Variants in ZNF503 observed in about 807,000 individuals in gnomAD.
ZNF503 encodes zinc finger protein 503, also known as NocA-like zinc finger 2.
ZNF503 carries 15 observed loss-of-function variants against 34.4 expected under a neutral mutation model. That is an observed-to-expected ratio of 0.44 (90% CI 0.29 to 0.67). The LOEUF is 0.67. Ranked by LOEUF, ZNF503 falls within the 30% of genes least tolerant of loss-of-function variation. ZNF503 has a pLI of 0.13. For synonymous variants in ZNF503, 580 were observed against 456.8 expected, an observed-to-expected ratio of 1.27 and a Z score of -3.44; for missense variants, 1,007 against 926.8, an observed-to-expected ratio of 1.09 and a Z score of -1.12.
At chr10:75,381,189 T>G in the ZNF503 span, among the ~76,000 whole-genome samples, 1 of 152,208 alleles carries the variant, frequency 6.6e-6, no homozygotes, top group African/African-American at 2.4e-5. Flanking sequence ...TGTGGCAACT[T>G]CTGGGATGTG....
At chr10:75,364,939 T>G in the ZNF503 span, among the ~76,000 whole-genome samples, 1 of 152,134 alleles carries the variant, frequency 6.6e-6, no homozygotes, top group Non-Finnish European at 1.5e-5. Context: ...TAATGGATGA[T>G]AGCACCATAA....
At chr10:75,327,959 T>G in the ZNF503 span, among the ~76,000 whole-genome samples, 1 of 152,118 alleles carries the variant, frequency 6.6e-6, no homozygotes, top group African/African-American at 2.4e-5. Flanking sequence ...TAATTATTAT[T>G]ATTTTGCTGT....
At chr10:75,311,878 C>T in the ZNF503 span, among the ~76,000 whole-genome samples, 33 of 151,930 alleles carry the variant, frequency 2.2e-4, no homozygotes, top group African/African-American at 7.7e-4. Flanking sequence ...GCTGGGACTA[C>T]AGGCGTGCAC....
At chr10:75,385,703 C>T in the ZNF503 span, among the ~76,000 whole-genome samples, 2 of 152,216 alleles carry the variant, frequency 1.3e-5, no homozygotes, top group Non-Finnish European at 2.9e-5. Flanking sequence ...ACTCCAACCA[C>T]AGTCGAGGAA....
the ZNF503 span, among the ~76,000 whole-genome samples, chr10:75,339,397 G>C: frequency 6.6e-6 from 1 of 152,278 alleles, no homozygotes; most frequent in Admixed American, 6.5e-5. Context: ...CAAAGGCACC[G>C]GGTCACTTGG....
At chr10:75,283,371 G>A in the ZNF503 span, 1 of 152,354 alleles carries the variant, frequency 6.6e-6, no homozygotes, top group Non-Finnish European at 1.5e-5. Flanking sequence ...TGTGGCTGGT[G>A]TCAATCCTCC....
At chr10:75,357,468 C>T in the ZNF503 span, among the ~76,000 whole-genome samples, 2 of 151,968 alleles carry the variant, frequency 1.3e-5, no homozygotes, top group East Asian at 1.9e-4. Flanking sequence ...CAGAGAGCCA[C>T]GATGGCATCA....
chr10:75,357,005 C>T, the ZNF503 span, among the ~76,000 whole-genome samples: 1 of 152,046 alleles, frequency 6.6e-6, no homozygotes, highest in Non-Finnish European at 1.5e-5. Context: ...AACAGGGTTC[C>T]TCAATTGGAA....
the ZNF503 span, among the ~76,000 whole-genome samples, chr10:75,316,876 A>G: frequency 6.6e-6 from 1 of 152,334 alleles, no homozygotes; most frequent in South Asian, 2.1e-4. Flanking sequence ...AAATGGAAAC[A>G]TAACATGCCA....
At chr10:75,323,106 G>A in the ZNF503 span, among the ~76,000 whole-genome samples, 3 of 152,142 alleles carry the variant, frequency 2.0e-5, no homozygotes, top group African/African-American at 7.2e-5. Context: ...ACCCCTGGAT[G>A]TACCTGTTTT....
chr10:75,313,601 T>A, the ZNF503 span, among the ~76,000 whole-genome samples: 3 of 152,230 alleles, frequency 2.0e-5, no homozygotes, highest in Non-Finnish European at 4.4e-5. Context: ...CTATGGACCT[T>A]GTCAAGAAGC....
chr10:75,376,641 C>CA, the ZNF503 span, among the ~76,000 whole-genome samples: 176 of 147,416 alleles, frequency 1.2e-3, no homozygotes, highest in African/African-American at 3.8e-3. Context: ...GAGACTGTCT[C>CA]AAAAAAAAAC....
chr10:75,328,398 G>A, the ZNF503 span, among the ~76,000 whole-genome samples: 1 of 152,054 alleles, frequency 6.6e-6, no homozygotes, highest in Non-Finnish European at 1.5e-5. Flanking sequence ...AAATCAGTTG[G>A]CTGTAAACAC....
In ZNF503 at chr10:75,399,063, T is replaced by C; in HGVS notation, c.1627A>G (p.Thr543Ala). 1.2e-6 allele frequency: 2 copies of C among 1,613,318 alleles called. No individual in the cohort carries two copies. Among genetic ancestry groups the C allele is most frequent in the South Asian group, 1.1e-5 (1 of 91,078 alleles). ...EELLSHLRTH[T>A]AFPGTDKLLS... ...AGTTTGTCTGTCCCGGGAAATGCCG[T>C]ATGGGTCCGCAAGTGGCTCAGCAGC... Residue 543 changes from threonine (T) to alanine (A), a missense_variant, in exon 2 of 2, where the codon ACG (threonine) becomes GCG (alanine). Coordinates refer to ENST00000372524, the MANE Select transcript of ZNF503 (RefSeq NM_032772.6).
rs761893544 is a variant in ZNF503, at chr10:75,399,202, G to A, written c.1488C>T (p.Ala496=). The A allele has an allele frequency of 3.1e-6, 5 of 1,597,324 alleles. No individual in the cohort carries two copies. Among genetic ancestry groups the A allele is most frequent in the Admixed American group, 1.7e-5 (1 of 58,942 alleles). ...AGCCGTAGGGGTAGAGGGGGTGGCC[G>A]GCCAGGGAGGGCGGTGTGGCGCCAG... ...AAAGATPPSL[A]GHPLYPYGFM... is the part of the protein sequence containing the mutation. Residue 496 remains alanine, a synonymous_variant, in exon 2 of 2, where the codon GCC becomes GCT. Transcript: ENST00000372524.
Position 75,399,404 on chromosome 10 carries a change from T to A in ZNF503, c.1286A>T (p.Asp429Val). 1 of 1,604,946 alleles carries A rather than the reference T, an allele frequency of 6.2e-7. No homozygotes were observed. The change falls in exon 2 of 2, where the codon GAC (aspartate) becomes GTC (valine). Residue 429 changes from aspartate (D) to valine (V), a missense_variant. Physicochemically the swap from Asp to Val is radical, Grantham distance 152. Coordinates refer to ENST00000372524, the MANE Select transcript of ZNF503 (RefSeq NM_032772.6). ...PSVMTASLCR[D>V]PYCLSYHCAS... ...GCAGTGGTAGCTGAGGCAGTAAGGG[T>A]CCCGGCACAAACTGGCTGTCATCAC...
rs773466865 is a variant in ZNF503, at chr10:75,400,264, G to C, written c.426C>G (p.Gly142=). 14 of 1,613,058 alleles carry C rather than the reference G, an allele frequency of 8.7e-6. No homozygotes were observed. The African/African-American group carries it at 1.9e-4, about 21-fold the overall frequency. Reference sequence around the variant, plus strand: ...CACCGCCGCCGGCACCGCCCGCGCCGCCCCCGTTGGAGGCAACCGAGGAGA... The same window carrying C: ...CACCGCCGCCGGCACCGCCCGCGCCCCCCCCGTTGGAGGCAACCGAGGAGA... ...SKLSSVASNG[G]GAGGAGGGAA... Residue 142 remains glycine, a synonymous_variant, in exon 2 of 2, where the codon GGC becomes GGG. Transcript: ENST00000372524.
chr10:75,312,466 A>G, the ZNF503 span, among the ~76,000 whole-genome samples: 4 of 152,192 alleles, frequency 2.6e-5, no homozygotes, highest in Non-Finnish European at 5.9e-5. Context: ...AAATGAGCAG[A>G]GCTTCAGGGA....
chr10:75,339,114 C>A, the ZNF503 span, among the ~76,000 whole-genome samples: 877 of 152,168 alleles, frequency 5.8e-3, 8 homozygotes, highest in African/African-American at 0.02. Context: ...ACCTGTAATC[C>A]CAGCTACTAG....
Sources: allele counts gnomAD v4.1 joint callset (sites outside exome capture counted in the v4.1 genomes callset), GRCh38; gene constraint gnomAD v4.1.1; transcripts MANE v1.5; gene names NCBI Gene and HGNC (gene_info 2026-07-23, HGNC 2026-07-21).